ACACB: variants seen among roughly 807,000 people sequenced by gnomAD.
ACACB encodes the protein acetyl-CoA carboxylase 2.
A neutral mutation model predicts 278.8 loss-of-function variants in ACACB; 209 were observed. The ratio of observed to expected loss-of-function variants is 0.75; its 90% CI spans 0.67 to 0.84. The LOEUF (loss-of-function observed/expected upper bound fraction) is 0.84, where lower values mean the gene tolerates loss of function less well. Among genes scored for constraint, ACACB ranks in the 40% least tolerant of loss-of-function variants. The pLI is 0.00. For missense variants in ACACB, 2,850 were observed against 3,269.0 expected (o/e 0.87, Z 3.13); for synonymous variants, 1,174 against 1,285.6 (o/e 0.91, Z 1.86).
At chr12:109,221,644 C>T (rs918587924) in intron 24 of ACACB, among the ~76,000 whole-genome samples, 6 of 152,088 alleles carry the variant, frequency 3.9e-5, no homozygotes, top group Non-Finnish European at 7.4e-5. Flanking sequence ...GGGGAAGGAG[C>T]GGGAGGCTTT....
At chr12:109,219,685 G>A (rs1355898732) in intron 24 of ACACB, among the ~76,000 whole-genome samples, 2 of 152,190 alleles carry the variant, frequency 1.3e-5, no homozygotes, top group African/African-American at 2.4e-5. Flanking sequence ...GTATGCGCAC[G>A]TACGTTCTTA....
chr12:109,143,462 C>CAAAAAAAA (rs10696128), intron 2 of ACACB, among the ~76,000 whole-genome samples: 1 of 104,046 alleles, frequency 9.6e-6, no homozygotes, highest in Non-Finnish European at 1.9e-5. Context: ...GACCCTGTCT[C>CAAAAAAAA]AAAAAAAAAA....
intron 13 of ACACB, chr12:109,191,362 C>T (rs1268943721): frequency 2.8e-6 from 1 of 362,690 alleles, no homozygotes; most frequent in Non-Finnish European, 5.3e-6. Flanking sequence ...TACAGGCGTC[C>T]TCCACCATGC....
chr12:109,242,341 C>A, intron 36 of ACACB, 96 bp from the exon 37 acceptor site: 1 of 1,391,954 alleles, frequency 7.2e-7, no homozygotes, highest in Non-Finnish European at 1.0e-6. Flanking sequence ...TGCTTTGCTT[C>A]CCCCACCTGC....
Position 109,265,442 on chromosome 12 carries a change from G to T in ACACB, c.7167G>T (p.Trp2389Cys). 6.2e-7 allele frequency: 1 copy of T among 1,613,372 alleles called. No homozygotes were observed. Among genetic ancestry groups the T allele is most frequent in the Non-Finnish European group, 8.5e-7 (1 of 1,179,780 alleles). ...TTGTGCAGTGGCTGGAACAGCACTG[G>T]CAGGCAGGGGATGGCCCGCGCTCCA... ...QVVVQWLEQHWQAGDGPRSTI... is the reference protein window; with the variant it reads ...QVVVQWLEQHCQAGDGPRSTI... Residue 2389 changes from tryptophan (W) to cysteine (C), a missense_variant, in exon 52 of 53, where the codon TGG becomes TGT. Trp to Cys is a radical substitution (Grantham distance 215, BLOSUM62 -2). Transcript: ENST00000338432.
In ACACB at chr12:109,260,539, A is replaced by G. The variant is rs772317756; in HGVS notation, c.6556A>G (p.Lys2186Glu). ...CATCGTGGACGGCCTTAGACAATAC[A>G]AACAGCCCATCCTGATCTATATCCC... Reference protein sequence around the residue: ...AYIVDGLRQYKQPILIYIPPY... With the variant: ...AYIVDGLRQYEQPILIYIPPY... Residue 2186 changes from lysine to glutamate, a missense_variant, in exon 48 of 53, where the codon AAA (lysine) becomes GAA (glutamate). Transcript: ENST00000338432. The G allele has an allele frequency of 6.2e-7, 1 of 1,614,108 alleles. No homozygotes were observed.
chr12:109,263,052 T>C (rs1463726020), intron 49 of ACACB: 1 of 147,826 alleles, frequency 6.8e-6, no homozygotes, highest in Non-Finnish European at 1.5e-5. Flanking sequence ...CTGATGGGGA[T>C]TATCAGAATT....
intron 12 of ACACB, among the ~76,000 whole-genome samples, chr12:109,187,444 T>C (rs1198142525): frequency 6.7e-6 from 1 of 148,314 alleles, no homozygotes; most frequent in African/African-American, 2.5e-5. Flanking sequence ...TATTTATTTA[T>C]TTATTTATTT....
chr12:109,199,451 G>A lies in ACACB; in HGVS notation c.2677G>A (p.Asp893Asn), dbSNP rs759667024. The change falls in exon 18 of 53, where the codon GAT (aspartate) becomes AAT (asparagine). Residue 893 changes from aspartate to asparagine, a missense_variant. This residue lies in a region of ACACB where 2,265 missense variants were observed against 2,561.3 expected (regional missense o/e 0.88). Coordinates refer to ENST00000338432, the MANE Select transcript of ACACB (RefSeq NM_001093.4). ...NKTCVFEKEN[D>N]PTVLRSPSAG... is the part of the protein sequence containing the mutation. ...GACGTGTGTGTTTGAGAAGGAGAACGATCCTACAGTCCTGAGATCCCCCTC... is the reference window on the plus strand; with the variant it reads ...GACGTGTGTGTTTGAGAAGGAGAACAATCCTACAGTCCTGAGATCCCCCTC... The A allele has an allele frequency of 7.8e-6, 12 of 1,548,290 alleles. No individual in the cohort carries two copies. Among genetic ancestry groups the A allele is most frequent in the Non-Finnish European group, 9.6e-6 (11 of 1,146,802 alleles).
At chr12:109,131,769 C>T (rs960063048) in intron 1 of ACACB, among the ~76,000 whole-genome samples, 1 of 152,088 alleles carries the variant, frequency 6.6e-6, no homozygotes, top group South Asian at 2.1e-4. Context: ...TTTTCGGGTC[C>T]GCTGGGTTAT....
Position 109,264,317 on chromosome 12 carries a change from C to A in ACACB, c.6873C>A (p.His2291Gln). ...AREDLLLPIY[H>Q]QVAVQFADFH... ...AGGACCTGCTGCTCCCCATCTACCA[C>A]CAGGTGGCGGTGCAGTTCGCCGACT... is the stretch of plus-strand genomic sequence containing the variant. Residue 2291 changes from histidine (H) to glutamine (Q), a missense_variant, in exon 50 of 53, where the codon CAC becomes CAA. This residue lies in a region of ACACB where 579 missense variants were observed against 684.6 expected (regional missense o/e 0.85). Coordinates refer to ENST00000338432, the MANE Select transcript of ACACB (RefSeq NM_001093.4). The A allele has an allele frequency of 6.2e-7, 1 of 1,614,164 alleles. No individual in the cohort carries two copies. Among genetic ancestry groups the A allele is most frequent in the Non-Finnish European group, 8.5e-7 (1 of 1,180,032 alleles).
chr12:109,172,227 G>A (rs1184089844), intron 5 of ACACB, 48 bp from the exon 6 acceptor site: 3 of 1,570,262 alleles, frequency 1.9e-6, no homozygotes, highest in Non-Finnish European at 1.7e-6. Flanking sequence ...TGGCTGGGAG[G>A]CATATTCTTG....
intron 21 of ACACB, among the ~76,000 whole-genome samples, chr12:109,210,431 A>G (rs1375276397): frequency 4.0e-5 from 5 of 125,040 alleles, no homozygotes; most frequent in East Asian, 2.3e-4. Context: ...ATATGTATAT[A>G]CACGCACATA....
In ACACB at chr12:109,179,169, G is replaced by A. The variant is rs574173923; in HGVS notation, c.1519G>A (p.Ala507Thr). ...CCGTCACCTGGAAGTTCAGATCCTC[G>A]CTGACCAGTATGGGAATGCTGTGTC... ...HARHLEVQILADQYGNAVSLF... is the reference protein window; with the variant it reads ...HARHLEVQILTDQYGNAVSLF... Residue 507 changes from alanine (A) to threonine (T), a missense_variant, in exon 10 of 53, where the codon GCT becomes ACT. By Grantham distance (58) the Ala-to-Thr change is moderately conservative. Coordinates refer to ENST00000338432, the MANE Select transcript of ACACB (RefSeq NM_001093.4). The A allele has an allele frequency of 6.8e-6, 11 of 1,613,996 alleles. No homozygotes were observed. Among genetic ancestry groups the A allele is most frequent in the Middle Eastern group, 1.6e-4 (1 of 6,062 alleles).
chr12:109,210,230 TATGTATATATGTATATATA>T (rs1436423619), intron 21 of ACACB, among the ~76,000 whole-genome samples: 133 of 7,196 alleles, frequency 0.018, 12 homozygotes, highest in African/African-American at 0.062. Flanking sequence ...CATGTGTGTA[TATGTATATATGTATATATA>T]CACACATGTG....
chr12:109,188,408 C>T lies in ACACB; in HGVS notation c.2144+246C>T, dbSNP rs1339200754. Among the ~76,000 whole-genome samples, 2 of 137,138 alleles carry T rather than the reference C, an allele frequency of 1.5e-5. 1 individual carries two copies. Among genetic ancestry groups the T allele is most frequent in the Non-Finnish European group, 3.1e-5 (2 of 63,608 alleles). The allele number at this position is 137,138 out of a possible 152,430, so 90.0% of individuals were successfully genotyped here. Reference sequence around the variant, plus strand: ...CCCCTCCCCTTCCATCCCTTCCCCTCCCTTCCTTCCTCCCGTCCTTCCTCC... The same window carrying T: ...CCCCTCCCCTTCCATCCCTTCCCCTTCCTTCCTTCCTCCCGTCCTTCCTCC... On this transcript the variant is annotated intron_variant, in intron 13 of 52. Coordinates refer to ENST00000338432, the MANE Select transcript of ACACB (RefSeq NM_001093.4).
chr12:109,237,004 G>T (rs531722040), intron 33 of ACACB, among the ~76,000 whole-genome samples, 161 bp from the exon 34 acceptor site: 1 of 152,058 alleles, frequency 6.6e-6, no homozygotes, highest in African/African-American at 2.4e-5. Context: ...GAGCCCTGGG[G>T]GTAGCTTACA....
intron 1 of ACACB, among the ~76,000 whole-genome samples, chr12:109,123,180 CA>C (rs371374660): frequency 2.4e-3 from 289 of 121,808 alleles, no homozygotes; most frequent in Middle Eastern, 4.7e-3. Flanking sequence ...GACTCCATCT[CA>C]AAAAAAAAAA....
rs2136813122 is a variant in ACACB, at chr12:109,258,256, C to T, written c.6264-12C>T. On this transcript the variant is annotated splice_polypyrimidine_tract_variant and intron_variant, in intron 45 of 52. Transcript: ENST00000338432. ...CTGCCCAGGGCCTGGCTCACTGGTG[C>T]TCATTTTCCAGGCTTGGGGGGATTC... 3 of 1,608,844 alleles carry T rather than the reference C, an allele frequency of 1.9e-6. No homozygotes were observed. Among genetic ancestry groups the T allele is most frequent in the East Asian group, 2.2e-5 (1 of 44,744 alleles).
Sources: gnomAD v4.1 joint callset for allele counts (sites outside exome capture counted in the v4.1 genomes callset) on GRCh38, gnomAD v4.1.1 for gene constraint, gnomAD v4.1.1 regional missense constraint, MANE v1.5 for transcripts, NCBI Gene and HGNC (gene_info 2026-07-23, HGNC 2026-07-21) for gene names.